MSRA: variants seen among roughly 807,000 people sequenced by gnomAD.
MSRA encodes methionine sulfoxide reductase A.
A neutral mutation model predicts 31.3 loss-of-function variants in MSRA; 54 were observed. That is an observed-to-expected ratio of 1.73 (90% CI 1.39 to 2.17). The LOEUF is 2.17. Ranked by LOEUF, MSRA falls within the 30% of genes most tolerant of loss-of-function variation. The probability of loss-of-function intolerance (pLI) is 0.00; values close to 1 mark genes in which losing one functional copy is unlikely to be tolerated. For missense variants in MSRA, 507 were observed against 300.9 expected (o/e 1.69, Z -5.07); for synonymous variants, 169 against 116.5 (o/e 1.45, Z -2.90).
chr8:10,296,715 C>T (rs1318516438), intron 3 of MSRA, among the ~76,000 whole-genome samples: 1 of 152,064 alleles, frequency 6.6e-6, no homozygotes, highest in East Asian at 1.9e-4. Context: ...TAGATAAAGG[C>T]CCCCCCAGCA....
chr8:10,138,005 A>G (rs12547884), intron 1 of MSRA, among the ~76,000 whole-genome samples: 33,186 of 152,186 alleles, frequency 0.22, 4,842 homozygotes, highest in East Asian at 0.57. Flanking sequence ...CAGGTAATGC[A>G]TAAGGCAGCA....
intron 1 of MSRA, among the ~76,000 whole-genome samples, chr8:10,104,729 CA>C (rs1002587385): frequency 1.1e-4 from 16 of 152,086 alleles, no homozygotes; most frequent in African/African-American, 3.9e-4. Flanking sequence ...TCCTGAATTC[CA>C]AAAGGGAGAC....
chr8:10,221,628 T>C (rs1173014441), intron 2 of MSRA, among the ~76,000 whole-genome samples: 1 of 152,056 alleles, frequency 6.6e-6, no homozygotes, highest in Non-Finnish European at 1.5e-5. Context: ...AACAAAAATC[T>C]CTAGCAGCTT....
intron 5 of MSRA, among the ~76,000 whole-genome samples, chr8:10,423,476 C>G (rs1306299094): frequency 6.8e-6 from 1 of 147,160 alleles, no homozygotes; most frequent in South Asian, 2.3e-4. Context: ...TAGCTTGGCC[C>G]CGGTGCCAGG....
chr8:10,084,087 C>G (rs1026982241), intron 1 of MSRA, among the ~76,000 whole-genome samples: 6 of 152,198 alleles, frequency 3.9e-5, no homozygotes, highest in African/African-American at 1.4e-4. Flanking sequence ...TGGGTGCCAT[C>G]GGGAGTCGAG....
intron 5 of MSRA, among the ~76,000 whole-genome samples, chr8:10,367,921 G>T (rs1805260990): frequency 6.6e-6 from 1 of 152,226 alleles, no homozygotes; most frequent in Admixed American, 6.5e-5. Context: ...GTCCGTGGCA[G>T]AGAGGGTGTG....
At chr8:10,374,250 C>G (rs1394564035) in intron 5 of MSRA, among the ~76,000 whole-genome samples, 2 of 152,158 alleles carry the variant, frequency 1.3e-5, no homozygotes, top group Non-Finnish European at 2.9e-5. Flanking sequence ...AATTTTGAGA[C>G]TATGGACAGA....
intron 1 of MSRA, among the ~76,000 whole-genome samples, chr8:10,060,962 T>C (rs933326169): frequency 6.6e-6 from 1 of 152,244 alleles, no homozygotes. Context: ...ACAGTTTTCC[T>C]TTTAGAAAAG....
chr8:10,209,203 G>A (rs17151344), intron 2 of MSRA, among the ~76,000 whole-genome samples: 1 of 152,294 alleles, frequency 6.6e-6, no homozygotes, highest in East Asian at 1.9e-4. Flanking sequence ...TAACTTTCCT[G>A]TCCCAGCATG....
Position 10,054,409 on chromosome 8 carries a change from C to CA in MSRA, c.-108_-107insA. On this transcript the variant is annotated 5_prime_UTR_variant, in exon 1 of 6. The change creates a new upstream start codon in the 5' untranslated region. Coordinates refer to ENST00000317173, the MANE Select transcript of MSRA (RefSeq NM_012331.5). ...GCCCCGCGCCCGCCCGCCCGCGCCC[C>CA]TGCCGCCCCCCGGTTCCGGCCGCGG... 1.5e-5 allele frequency: 15 copies of CA among 1,027,528 alleles called. No individual in the cohort carries two copies. The highest frequency in any genetic ancestry group is 3.6e-5 in the East Asian group (1 of 27,456). 63.7% of individuals were successfully genotyped at this position (1,027,528 alleles called of 1,614,324 possible).
intron 2 of MSRA, among the ~76,000 whole-genome samples, chr8:10,243,533 G>A (rs376071940): frequency 6.6e-6 from 1 of 152,030 alleles, no homozygotes; most frequent in Non-Finnish European, 1.5e-5. Flanking sequence ...GTATAGTGGC[G>A]GGTAACATAA....
chr8:10,275,505 A>G (rs1159927972), intron 3 of MSRA, among the ~76,000 whole-genome samples: 1 of 152,260 alleles, frequency 6.6e-6, no homozygotes, highest in Non-Finnish European at 1.5e-5. Flanking sequence ...TTTCCTCTGT[A>G]CAGCCTCTTT....
At chr8:10,234,100 A>G (rs1017813901) in intron 2 of MSRA, among the ~76,000 whole-genome samples, 5 of 152,188 alleles carry the variant, frequency 3.3e-5, no homozygotes, top group Admixed American at 2.6e-4. Flanking sequence ...TTTCAGATAT[A>G]AAAAGACTTA....
At chr8:10,244,416 C>T (rs1011973088) in intron 2 of MSRA, among the ~76,000 whole-genome samples, 2 of 152,196 alleles carry the variant, frequency 1.3e-5, no homozygotes, top group Non-Finnish European at 2.9e-5. Context: ...CACTGGTATA[C>T]ACACAATGTT....
intron 3 of MSRA, among the ~76,000 whole-genome samples, chr8:10,256,698 A>G (rs1223679598): frequency 6.6e-6 from 1 of 152,136 alleles, no homozygotes; most frequent in Non-Finnish European, 1.5e-5. Flanking sequence ...CTCTCTCCAG[A>G]GTGTAAGAGT....
At chr8:10,250,679 G>C in intron 3 of MSRA, 1 of 567,546 alleles carries the variant, frequency 1.8e-6, no homozygotes, top group Non-Finnish European at 3.1e-6. Context: ...GGGAGTCCTC[G>C]TGTGACCCTC....
intron 1 of MSRA, among the ~76,000 whole-genome samples, chr8:10,176,999 A>G (rs1806108972): frequency 6.6e-6 from 1 of 152,248 alleles, no homozygotes; most frequent in Non-Finnish European, 1.5e-5. Flanking sequence ...TAAATGAAGC[A>G]GGTTCATGAT....
At chr8:10,311,785 C>A (rs1801448534) in intron 4 of MSRA, among the ~76,000 whole-genome samples, 1 of 152,060 alleles carries the variant, frequency 6.6e-6, no homozygotes, top group African/African-American at 2.4e-5. Context: ...GGCATGGTGG[C>A]ACATCCCTGT....
chr8:10,067,180 C>A (rs1184335928), intron 1 of MSRA, among the ~76,000 whole-genome samples: 1 of 152,096 alleles, frequency 6.6e-6, no homozygotes, highest in Non-Finnish European at 1.5e-5. Flanking sequence ...GTCCATCTCC[C>A]CCTTCCCAAG....
Sources: gnomAD v4.1 joint callset for allele counts (sites outside exome capture counted in the v4.1 genomes callset) on GRCh38, gnomAD v4.1.1 for gene constraint, MANE v1.5 for transcripts, NCBI Gene and HGNC (gene_info 2026-07-23, HGNC 2026-07-21) for gene names.